Variants in PTPRD observed in about 807,000 individuals in gnomAD.
PTPRD encodes the protein receptor-type tyrosine-protein phosphatase delta.
Under a neutral mutation model 214.5 loss-of-function variants are expected in PTPRD, and 34 were observed. The observed-to-expected ratio is 0.16, with a 90% confidence interval of 0.12 to 0.21. The LOEUF (loss-of-function observed/expected upper bound fraction) is 0.21, where lower values mean the gene tolerates loss of function less well. Among genes scored for constraint, PTPRD ranks in the 10% least tolerant of loss-of-function variants. PTPRD has a pLI of 1.00. For synonymous variants in PTPRD, 1,128 were observed against 845.7 expected (o/e 1.33, Z -5.79); for missense variants, 2,545 against 2,398.7 (o/e 1.06, Z -1.27).
rs1449697689 is a variant in PTPRD at position 9,495,346 on chromosome 9, A to AACC, written c.-237+79385_-237+79386insGGT. ...AAAAAGCAACAACAACAACAACAAC[A>AACC]AAAACCCAACAGTTTGAAACCTGCA... is the stretch of plus-strand genomic sequence containing the variant. On this transcript the variant is annotated intron_variant, in intron 8 of 45. Coordinates refer to ENST00000381196, the MANE Select transcript of PTPRD (RefSeq NM_002839.4). Among the ~76,000 whole-genome samples the AACC allele has an allele frequency of 1.6e-3, 236 of 151,648 alleles. 2 individuals carry two copies. The highest frequency in any genetic ancestry group is 5.6e-3 in the African/African-American group (230 of 41,392).
intron 35 of PTPRD, among the ~76,000 whole-genome samples, chr9:8,412,303 AAAGAG>A (rs2093593992): frequency 6.6e-6 from 1 of 152,202 alleles, no homozygotes; most frequent in Non-Finnish European, 1.5e-5. Context: ...TGGCAACATT[AAAGAG>A]AATATTATTG....
At position 9,401,904 on chromosome 9, in the gene PTPRD, T is replaced by A. The variant is rs112181653; in HGVS notation, c.-236-4422A>T. Among the ~76,000 whole-genome samples, 888 of 152,136 alleles carry A rather than the reference T, an allele frequency of 5.8e-3. 7 individuals are homozygous for A. Among genetic ancestry groups the A allele is most frequent in the African/African-American group, 0.019 (809 of 41,536 alleles). Reference sequence around the variant, plus strand: ...ATGTTTGCTTCTCCTTCCGCCATTATTGTAAGTTTCCTGAGGCCTCCCAAG... The same window carrying A: ...ATGTTTGCTTCTCCTTCCGCCATTAATGTAAGTTTCCTGAGGCCTCCCAAG... On this transcript the variant is annotated intron_variant, in intron 8 of 45. Coordinates refer to ENST00000381196, the MANE Select transcript of PTPRD (RefSeq NM_002839.4).
chr9:8,963,378 A>C (rs2099168754), intron 11 of PTPRD, among the ~76,000 whole-genome samples: 7 of 152,244 alleles, frequency 4.6e-5, no homozygotes, highest in Admixed American at 4.6e-4. Context: ...GGGTGTTCAC[A>C]TAGAGTTACT....
intron 3 of PTPRD, among the ~76,000 whole-genome samples, chr9:10,037,372 C>G (rs140174310): frequency 1.7e-3 from 256 of 152,030 alleles, no homozygotes; most frequent in African/African-American, 5.4e-3. Context: ...ACAATGAGAT[C>G]TGGTTGTTTA....
chr9:8,755,233 C>A (rs796424335), intron 11 of PTPRD, among the ~76,000 whole-genome samples: 1,719 of 131,172 alleles, frequency 0.013, 40 homozygotes, highest in African/African-American at 0.049. Context: ...AAAAAAAAAA[C>A]AAAAAAAACA....
At chr9:9,837,361 G>A (rs988642980) in intron 5 of PTPRD, among the ~76,000 whole-genome samples, 2 of 152,130 alleles carry the variant, frequency 1.3e-5, no homozygotes, top group African/African-American at 4.8e-5. Flanking sequence ...AAGAAAGATG[G>A]ATGTAGCTAT....
chr9:9,521,918 G>T (rs911378555), intron 8 of PTPRD, among the ~76,000 whole-genome samples: 4 of 152,228 alleles, frequency 2.6e-5, no homozygotes, highest in African/African-American at 9.6e-5. Flanking sequence ...GGCACTTTGG[G>T]AGGCAGAGGC....
intron 11 of PTPRD, among the ~76,000 whole-genome samples, chr9:8,865,634 T>C (rs1471238787): frequency 6.6e-6 from 1 of 152,120 alleles, no homozygotes; most frequent in African/African-American, 2.4e-5. Context: ...GTGAGCGTCT[T>C]CACACTCTTC....
chr9:10,475,104 A>C (rs2099054264), intron 2 of PTPRD, among the ~76,000 whole-genome samples: 1 of 152,182 alleles, frequency 6.6e-6, no homozygotes, highest in African/African-American at 2.4e-5. Context: ...CCAATTCAAA[A>C]GCTAGCAGAA....
intron 37 of PTPRD, among the ~76,000 whole-genome samples, chr9:8,377,071 A>G (rs917882522): frequency 6.6e-6 from 1 of 152,138 alleles, no homozygotes; most frequent in East Asian, 1.9e-4. Context: ...TATGAATCAC[A>G]TCGGGAGGAT....
chr9:9,340,059 G>C (rs1264588107), intron 9 of PTPRD, among the ~76,000 whole-genome samples: 1 of 152,118 alleles, frequency 6.6e-6, no homozygotes, highest in Non-Finnish European at 1.5e-5. Context: ...GTCTCAGTAA[G>C]AGAGATAGAT....
intron 21 of PTPRD, among the ~76,000 whole-genome samples, chr9:8,507,891 T>C (rs1333996071): frequency 6.6e-6 from 1 of 152,178 alleles, no homozygotes; most frequent in East Asian, 1.9e-4. Context: ...ATTAAATTTA[T>C]GAAATCCTAC....
At chr9:10,349,960 C>G (rs901674564) in intron 2 of PTPRD, among the ~76,000 whole-genome samples, 1 of 152,138 alleles carries the variant, frequency 6.6e-6, no homozygotes, top group East Asian at 1.9e-4. Flanking sequence ...TGTGCCCAGC[C>G]GGGATCCTTT....
At position 9,149,267 on chromosome 9, in the gene PTPRD, C is replaced by A. The variant is rs139589258; in HGVS notation, c.-143+34037G>T. Among the ~76,000 whole-genome samples, 7 of 152,264 alleles carry A rather than the reference C, an allele frequency of 4.6e-5. No homozygotes were observed. The East Asian group carries it at 1.4e-3, about 29-fold the overall frequency. ...GAGATAATCCACATAAGGCTTGTAG[C>A]CCTAAAACTTGGCACATAGTACACA... On this transcript the variant is annotated intron_variant, in intron 10 of 45. Coordinates refer to ENST00000381196, the MANE Select transcript of PTPRD (RefSeq NM_002839.4).
At chr9:9,000,541 T>C (rs764984003) in intron 11 of PTPRD, among the ~76,000 whole-genome samples, 1 of 152,016 alleles carries the variant, frequency 6.6e-6, no homozygotes, top group Non-Finnish European at 1.5e-5. Flanking sequence ...GCTAAGGATC[T>C]GCATCACTAA....
At chr9:9,855,284 A>T (rs1433128702) in intron 5 of PTPRD, among the ~76,000 whole-genome samples, 4 of 152,224 alleles carry the variant, frequency 2.6e-5, no homozygotes, top group African/African-American at 9.6e-5. Flanking sequence ...ACTTTCATTT[A>T]TACAAAGCTT....
At chr9:9,149,302 G>A (rs1278825845) in intron 10 of PTPRD, among the ~76,000 whole-genome samples, 1 of 152,192 alleles carries the variant, frequency 6.6e-6, no homozygotes, top group Non-Finnish European at 1.5e-5. Flanking sequence ...ACTGAAAAGT[G>A]TTAGCTATTG....
intron 14 of PTPRD, among the ~76,000 whole-genome samples, chr9:8,534,312 AC>A (rs968726160): frequency 6.6e-6 from 1 of 151,904 alleles, no homozygotes; most frequent in Non-Finnish European, 1.5e-5. Context: ...TCTATATTCT[AC>A]TGTTATTCTA....
intron 9 of PTPRD, among the ~76,000 whole-genome samples, chr9:9,248,166 C>T (rs2099973888): frequency 6.6e-6 from 1 of 151,904 alleles, no homozygotes; most frequent in Non-Finnish European, 1.5e-5. Context: ...GATCTCAGTT[C>T]ACTGCAACCT....
Sources: allele counts gnomAD v4.1 joint callset (sites outside exome capture counted in the v4.1 genomes callset), GRCh38; gene constraint gnomAD v4.1.1; transcripts MANE v1.5; gene names NCBI Gene and HGNC (gene_info 2026-07-23, HGNC 2026-07-21).